The following ABCA1 variants were observed in gnomAD, a reference collection of about 807,000 sequenced individuals.
ABCA1 encodes the protein ATP binding cassette subfamily A member 1.
Under a neutral mutation model 262.5 loss-of-function variants are expected in ABCA1, and 133 were observed. That is an observed-to-expected ratio of 0.51 (90% CI 0.44 to 0.59). The LOEUF is 0.59. Among genes scored for constraint, ABCA1 ranks in the 20% least tolerant of loss-of-function variants. ABCA1 has a pLI of 0.00. For missense variants in ABCA1, 2,452 were observed against 2,777.5 expected, an observed-to-expected ratio of 0.88 and a Z score of 2.63; for synonymous variants, 1,022 against 1,043.5, an observed-to-expected ratio of 0.98 and a Z score of 0.40.
At chr9:104,896,919 G>A (rs1170847281) in intron 2 of ABCA1, among the ~76,000 whole-genome samples, 1 of 150,456 alleles carries the variant, frequency 6.6e-6, no homozygotes, top group East Asian at 1.9e-4. Flanking sequence ...TTATAGAGAT[G>A]GAGTCTTGCT....
At chr9:104,848,596 CAG>C (rs1835103993) in intron 7 of ABCA1, among the ~76,000 whole-genome samples, 1 of 148,614 alleles carries the variant, frequency 6.7e-6, no homozygotes, top group Non-Finnish European at 1.5e-5. Context: ...GCCTGGGCAT[CAG>C]AGTGAGACTC....
At chr9:104,866,013 G>C (rs998873425) in intron 5 of ABCA1, among the ~76,000 whole-genome samples, 4 of 152,180 alleles carry the variant, frequency 2.6e-5, no homozygotes, top group Non-Finnish European at 4.4e-5. Flanking sequence ...ATCTGTAAGT[G>C]CTTCATGGCG....
chr9:104,820,155 G>T, intron 20 of ABCA1, 86 bp from the exon 21 acceptor site: 2 of 1,537,406 alleles, frequency 1.3e-6, no homozygotes, highest in Non-Finnish European at 1.8e-6. Context: ...ATGAGAATGG[G>T]CATATTTTTC....
chr9:104,909,278 A>G (rs1298183254), intron 1 of ABCA1, among the ~76,000 whole-genome samples: 18 of 152,216 alleles, frequency 1.2e-4, no homozygotes, highest in Admixed American at 1.2e-3. Flanking sequence ...GGTGAACAAC[A>G]GAAGCAAAGT....
intron 3 of ABCA1, among the ~76,000 whole-genome samples, chr9:104,886,154 T>C (rs967813605): frequency 7.9e-5 from 12 of 152,088 alleles, no homozygotes; most frequent in African/African-American, 2.2e-4. Context: ...TGGGAGTGAA[T>C]CTACCCCAGC....
chr9:104,862,646 G>GCACCCGCACCCGCACCC (rs1564197987), intron 5 of ABCA1, among the ~76,000 whole-genome samples: 1 of 2,906 alleles, frequency 3.4e-4, no homozygotes, highest in African/African-American at 1.6e-3. Context: ...GGCCGGGCCG[G>GCACCCGCACCCGCACCC]GCCGGGCCGG....
At chr9:104,871,897 C>A (rs1267790730) in intron 5 of ABCA1, among the ~76,000 whole-genome samples, 2 of 152,132 alleles carry the variant, frequency 1.3e-5, no homozygotes, top group Non-Finnish European at 1.5e-5. Context: ...AAACACCACA[C>A]AACATGGGAC....
At position 104,783,553 on chromosome 9, in the gene ABCA1, G is replaced by A. The variant is rs1828666786; in HGVS notation, c.*762C>T. The A allele has an allele frequency of 6.6e-6, 1 of 152,184 alleles. No homozygotes were observed. The highest frequency in any genetic ancestry group is 2.4e-5 in the African/African-American group (1 of 41,410). 9.4% of individuals were successfully genotyped at this position (152,184 alleles called of 1,614,324 possible). A position where few individuals can be genotyped will look rare whatever the true frequency, so the allele number is the denominator to read the frequency against. ...CTAAGTATATTTAAGAGTCTCATAA[G>A]GATGACCCTGTAGACCCATGGCTCG... On this transcript the variant is annotated 3_prime_UTR_variant, in exon 50 of 50. Transcript: ENST00000374736.
chr9:104,923,166 G>A (rs892855195), intron 1 of ABCA1, among the ~76,000 whole-genome samples: 1 of 152,202 alleles, frequency 6.6e-6, no homozygotes, highest in African/African-American at 2.4e-5. Context: ...GGACAAGCAA[G>A]AATCATATTG....
chr9:104,864,421 G>C (rs763720779), intron 5 of ABCA1, among the ~76,000 whole-genome samples: 8 of 152,060 alleles, frequency 5.3e-5, no homozygotes, highest in Non-Finnish European at 1.2e-4. Flanking sequence ...GTGTAAGCTG[G>C]TGTCTTCAGT....
chr9:104,807,122 AAGG>A (rs1830836278), intron 30 of ABCA1, among the ~76,000 whole-genome samples: 1 of 152,218 alleles, frequency 6.6e-6, no homozygotes, highest in Non-Finnish European at 1.5e-5. Flanking sequence ...AGTAATGATA[AAGG>A]AGGAGGAGAG....
chr9:104,911,396 G>A (rs1157562832), intron 1 of ABCA1, among the ~76,000 whole-genome samples: 2 of 152,172 alleles, frequency 1.3e-5, no homozygotes, highest in Non-Finnish European at 2.9e-5. Flanking sequence ...CGGTAGCCAC[G>A]TTCAGGGACA....
chr9:104,794,476 A>G lies in ABCA1; in HGVS notation c.5417T>C (p.Val1806Ala). ...GCAAAAATGTGGGAAGATCAAGAACACGGACTTCAGGATATCATTGATATT... is the reference window on the plus strand; with the variant it reads ...GCAAAAATGTGGGAAGATCAAGAACGCGGACTTCAGGATATCATTGATATT... ...LNNINDILKS[V>A]FLIFPHFCLG... Residue 1806 changes from valine (V) to alanine (A), a missense_variant, in exon 40 of 50, where the codon GTG becomes GCG. By Grantham distance (64) the Val-to-Ala change is moderately conservative. Coordinates refer to ENST00000374736, the MANE Select transcript of ABCA1 (RefSeq NM_005502.4). The G allele has an allele frequency of 6.4e-7, 1 of 1,569,888 alleles. No individual in the cohort carries two copies.
rs766158859 is a variant in ABCA1, at chr9:104,884,479, A to G, written c.250T>C (p.Tyr84His). The G allele has an allele frequency of 1.9e-6, 3 of 1,614,236 alleles. No homozygotes were observed. In the Admixed American group the frequency reaches 5.0e-5, roughly 27 times the overall value. Reference protein sequence around the residue: ...ICNANNPCFRYPTPGEAPGVV... With the variant: ...ICNANNPCFRHPTPGEAPGVV... ...CCGGGAGCCTCCCCAGGAGTCGGGT[A>G]ACGGAAACAGGGGTTGTTGGCATTA... Residue 84 changes from tyrosine to histidine, a missense_variant, in exon 4 of 50, where the codon TAC becomes CAC. By Grantham distance (83) the Tyr-to-His change is moderately conservative (BLOSUM62 2). Coordinates refer to ENST00000374736, the MANE Select transcript of ABCA1 (RefSeq NM_005502.4).
intron 35 of ABCA1, 62 bp downstream of exon 35, chr9:104,800,448 C>T (rs1830233169): frequency 2.6e-6 from 4 of 1,517,770 alleles, no homozygotes; most frequent in Non-Finnish European, 3.7e-6. Flanking sequence ...GTTGAAAGTA[C>T]TCCAGGAAAC....
intron 7 of ABCA1, among the ~76,000 whole-genome samples, chr9:104,846,589 G>T (rs1406424157): frequency 2.0e-5 from 3 of 152,288 alleles, no homozygotes; most frequent in African/African-American, 4.8e-5. Flanking sequence ...CTTTCAAAGA[G>T]AATTCCAAAT....
chr9:104,844,701 A>C (rs887098306), intron 8 of ABCA1, among the ~76,000 whole-genome samples: 8 of 152,216 alleles, frequency 5.3e-5, no homozygotes, highest in African/African-American at 1.9e-4. Context: ...ATTTCCCCAC[A>C]AATTATTATT....
chr9:104,818,559 G>A, intron 23 of ABCA1, 104 bp downstream of exon 23: 2 of 1,099,226 alleles, frequency 1.8e-6, no homozygotes, highest in East Asian at 4.7e-5. Flanking sequence ...GGGAGATGGT[G>A]GTTTCAACAT....
At chr9:104,862,091 GCCTTT>G (rs902279536) in intron 5 of ABCA1, among the ~76,000 whole-genome samples, 2 of 148,390 alleles carry the variant, frequency 1.3e-5, no homozygotes, top group Non-Finnish European at 3.0e-5. Flanking sequence ...CACACACACA[GCCTTT>G]CCTTTTCTTT....
Sources: allele counts gnomAD v4.1 joint callset (sites outside exome capture counted in the v4.1 genomes callset), GRCh38; gene constraint gnomAD v4.1.1; transcripts MANE v1.5; gene names NCBI Gene and HGNC (gene_info 2026-07-23, HGNC 2026-07-21).